Variants in FAM153A observed in about 807,000 individuals in gnomAD.
The protein encoded by FAM153A is family with sequence similarity 153 member A.
In FAM153A, 12 loss-of-function variants were observed where a neutral mutation model predicts 48.1. The ratio of observed to expected loss-of-function variants is 0.25; its 90% CI spans 0.16 to 0.40. The LOEUF (loss-of-function observed/expected upper bound fraction) is 0.40, where lower values mean the gene tolerates loss of function less well. Among genes scored for constraint, FAM153A ranks in the 10% least tolerant of loss-of-function variants. The pLI is 1.00. For synonymous variants in FAM153A, 36 were observed against 118.2 expected, an observed-to-expected ratio of 0.30 and a Z score of 4.51; for missense variants, 111 against 345.8, an observed-to-expected ratio of 0.32 and a Z score of 5.38.
intron 1 of FAM153A, among the ~76,000 whole-genome samples, chr5:177,765,806 C>T (rs1310799991): frequency 8.1e-6 from 1 of 122,764 alleles, no homozygotes; most frequent in African/African-American, 2.8e-5. Flanking sequence ...CCACTGTGCC[C>T]CGACCTACTT....
At chr5:177,752,638 A>AAAAAGAAAAG (rs776762823) in intron 1 of FAM153A, among the ~76,000 whole-genome samples, 4 of 98,728 alleles carry the variant, frequency 4.1e-5, no homozygotes, top group African/African-American at 1.7e-4. Context: ...AAAAAAAAAA[A>AAAAAGAAAAG]AAAAGAAAAG....
rs1020172346 is a variant in FAM153A, at chr5:177,738,802, A to G, written c.562+311T>C. On this transcript the variant is annotated intron_variant, in intron 10 of 20. Coordinates refer to ENST00000614127, the Ensembl canonical transcript of FAM153A. ...CTTTGTGTTGAGCTGTGCACATGGA[A>G]GCATGCTATCTGGAGAAATGTACAC... is the stretch of plus-strand genomic sequence containing the variant. Among the ~76,000 whole-genome samples the G allele has an allele frequency of 3.3e-5, 5 of 151,688 alleles. 1 individual carries two copies. The highest frequency in any genetic ancestry group is 6.6e-5 in the Admixed American group (1 of 15,242).
chr5:177,696,410 C>T, the FAM153A span, among the ~76,000 whole-genome samples: 212 of 151,164 alleles, frequency 1.4e-3, 5 homozygotes, highest in African/African-American at 4.3e-3. Flanking sequence ...ACTTCCCAGA[C>T]GGGGCAGCCG....
chr5:177,759,796 A>G (rs992520047), intron 1 of FAM153A, among the ~76,000 whole-genome samples: 2 of 150,634 alleles, frequency 1.3e-5, no homozygotes, highest in Admixed American at 6.6e-5. Context: ...GGGGAGCATC[A>G]CACACCGGGG....
the FAM153A span, among the ~76,000 whole-genome samples, chr5:177,695,471 AT>A: frequency 6.6e-6 from 1 of 152,086 alleles, no homozygotes; most frequent in Non-Finnish European, 1.5e-5. Flanking sequence ...CTTAACGAGC[AT>A]GCTGCCTTCA....
At chr5:177,705,658 C>CTTTTTTTTTTTTTTTTTTT (rs70994931), downstream of FAM153A, among the ~76,000 whole-genome samples, 2 of 79,822 alleles carry the variant, frequency 2.5e-5, no homozygotes, top group Admixed American at 1.7e-4. Context: ...TTTTCTTTTT[C>CTTTTTTTTTTTTTTTTTTT]TTTTTTTTTT....
At chr5:177,714,443 T>C (rs1184471442) in intron 25 of FAM153A, among the ~76,000 whole-genome samples, 2 of 150,288 alleles carry the variant, frequency 1.3e-5, no homozygotes, top group Admixed American at 1.3e-4. Flanking sequence ...ATAAAATAAA[T>C]AGACTTCCTT....
upstream of FAM153A, among the ~76,000 whole-genome samples, chr5:177,754,806 A>G (rs575894542): frequency 6.6e-6 from 1 of 152,022 alleles, no homozygotes; most frequent in South Asian, 2.1e-4. Flanking sequence ...TAACAAACAG[A>G]GAAAGGACAT....
the FAM153A span, among the ~76,000 whole-genome samples, chr5:177,696,672 T>G: frequency 6.6e-6 from 1 of 150,546 alleles, no homozygotes; most frequent in Non-Finnish European, 1.5e-5. Flanking sequence ...CTCCTGATTT[T>G]TTTTTTTCTT....
At chr5:177,781,677 G>C (rs1485517938), upstream of FAM153A, 1 of 96,938 alleles carries the variant, frequency 1.0e-5, no homozygotes, top group Non-Finnish European at 2.2e-5. Flanking sequence ...TTAGGTGAGA[G>C]CTTTTCGCTA....
intron 18 of FAM153A, among the ~76,000 whole-genome samples, chr5:177,728,661 G>A (rs1259758351): frequency 6.7e-6 from 1 of 149,902 alleles, no homozygotes; most frequent in Non-Finnish European, 1.5e-5. Context: ...TCTACCACCT[G>A]GGTTCAGGTG....
intron 12 of FAM153A, among the ~76,000 whole-genome samples, chr5:177,735,305 C>T (rs1430806263): frequency 1.4e-5 from 2 of 139,450 alleles, no homozygotes; most frequent in African/African-American, 5.8e-5. Flanking sequence ...GAATAAGAAG[C>T]AACCTTTCTT....
intron 4 of FAM153A, chr5:177,747,461 T>C: frequency 3.1e-6 from 1 of 326,990 alleles, no homozygotes; most frequent in Non-Finnish European, 5.5e-6. Context: ...ACGTATTTTC[T>C]GGGGAAAAGC....
At chr5:177,750,894 G>C in intron 2 of FAM153A, 1 of 1,362,710 alleles carries the variant, frequency 7.3e-7, no homozygotes. Context: ...CTGAATGACT[G>C]AATTTCCACA....
At chr5:177,701,849 G>A in the FAM153A span, among the ~76,000 whole-genome samples, 1 of 151,696 alleles carries the variant, frequency 6.6e-6, no homozygotes, top group African/African-American at 2.4e-5. Context: ...GGACAGTGAA[G>A]GCCAGGCTGA....
intron 2 of FAM153A, among the ~76,000 whole-genome samples, 152 bp from the exon 5 acceptor site, chr5:177,748,851 G>A (rs1766418778): frequency 7.8e-6 from 1 of 128,308 alleles, no homozygotes; most frequent in Admixed American, 7.9e-5. Flanking sequence ...CCTGGGTGAT[G>A]AGGGAAGGCA....
chr5:177,752,638 A>AAAAAAAG (rs1554153712), intron 1 of FAM153A, among the ~76,000 whole-genome samples: 36 of 98,696 alleles, frequency 3.6e-4, no homozygotes, highest in African/African-American at 1.5e-3. Flanking sequence ...AAAAAAAAAA[A>AAAAAAAG]AAAAGAAAAG....
the FAM153A span, among the ~76,000 whole-genome samples, chr5:177,699,199 A>G: frequency 1.3e-5 from 2 of 151,766 alleles, no homozygotes; most frequent in African/African-American, 4.9e-5. Context: ...TACATTACTT[A>G]GAGCTAAATT....
intron 12 of FAM153A, among the ~76,000 whole-genome samples, chr5:177,735,382 C>A (rs1380441429): frequency 6.0e-4 from 62 of 103,358 alleles, no homozygotes; most frequent in Non-Finnish European, 3.8e-4. Flanking sequence ...GCAAATAAAC[C>A]AAGATTTGAA....
Sources: allele counts gnomAD v4.1 joint callset (sites outside exome capture counted in the v4.1 genomes callset), GRCh38; gene constraint gnomAD v4.1.1; transcripts MANE v1.5; gene names NCBI Gene and HGNC (gene_info 2026-07-23, HGNC 2026-07-21).